NPAT: variants seen among roughly 807,000 people sequenced by gnomAD.
The protein encoded by NPAT is nuclear protein, coactivator of histone transcription, also known as protein NPAT.
A neutral mutation model predicts 130.7 loss-of-function variants in NPAT; 52 were observed. The observed-to-expected ratio is 0.40, with a 90% CI of 0.32 to 0.50. The LOEUF is 0.50. Ranked by LOEUF, NPAT falls within the 20% of genes least tolerant of loss-of-function variation. NPAT has a pLI of 0.68. For synonymous variants in NPAT, 580 were observed against 584.8 expected (o/e 0.99, Z 0.12); for missense variants, 1,687 against 1,662.6 (o/e 1.01, Z -0.26).
At chr11:108,214,626 T>C (rs1210431046) in intron 1 of NPAT, among the ~76,000 whole-genome samples, 2 of 151,808 alleles carry the variant, frequency 1.3e-5, no homozygotes, top group South Asian at 2.1e-4. Context: ...AAAAATATGA[T>C]TCCAATTTTT....
chr11:108,197,745 A>C (rs2078237599), intron 1 of NPAT, among the ~76,000 whole-genome samples: 1 of 152,254 alleles, frequency 6.6e-6, no homozygotes. Flanking sequence ...CATAACTTCC[A>C]TAAAGACCAA....
At chr11:108,160,782 A>C (rs1461038288) in intron 17 of NPAT, 98 bp downstream of exon 17, 1 of 1,054,684 alleles carries the variant, frequency 9.5e-7, no homozygotes, top group Non-Finnish European at 1.4e-6. Flanking sequence ...CTTAGCCATA[A>C]CGTTCAGTCA....
chr11:108,198,460 T>C (rs2078244875), intron 1 of NPAT, among the ~76,000 whole-genome samples: 1 of 151,586 alleles, frequency 6.6e-6, no homozygotes, highest in African/African-American at 2.4e-5. Context: ...ACATAGAAAA[T>C]ATGAATAAAG....
chr11:108,176,386 G>C lies in NPAT; in HGVS notation c.1004-12C>G. On this transcript the variant is annotated splice_polypyrimidine_tract_variant and intron_variant, in intron 11 of 17. Transcript: ENST00000278612. ...ATTCTTTGTTTTGCCTGTTAAAAAG[G>C]GAATATGGAAATAATTAAATGACCA... 6.6e-7 allele frequency: 1 copy of C among 1,504,486 alleles called. No individual in the cohort carries two copies. Among genetic ancestry groups the C allele is most frequent in the Non-Finnish European group, 9.2e-7 (1 of 1,082,736 alleles). 93.2% of individuals were successfully genotyped at this position (1,504,486 alleles called of 1,614,324 possible). A position where few individuals can be genotyped will look rare whatever the true frequency, so the allele number is the denominator to read the frequency against.
chr11:108,176,216 T>C (rs748334375), intron 12 of NPAT, 30 bp downstream of exon 12: 2 of 1,463,040 alleles, frequency 1.4e-6, no homozygotes, highest in Non-Finnish European at 9.6e-7. Flanking sequence ...AAGATTTGGA[T>C]TGATGATATT....
chr11:108,204,114 T>C (rs1351596371), intron 1 of NPAT, among the ~76,000 whole-genome samples: 9 of 152,174 alleles, frequency 5.9e-5, no homozygotes, highest in Non-Finnish European at 2.9e-5. Flanking sequence ...CTTATCCTAA[T>C]GGCAGTTAGA....
chr11:108,178,414 T>G (rs1043994543), intron 10 of NPAT, among the ~76,000 whole-genome samples: 1 of 151,984 alleles, frequency 6.6e-6, no homozygotes, highest in African/African-American at 2.4e-5. Flanking sequence ...TGCACCTTAT[T>G]ATTATTTTTG....
chr11:108,192,344 C>T (rs768400019), intron 3 of NPAT, among the ~76,000 whole-genome samples, 154 bp from the exon 4 acceptor site: 1 of 152,110 alleles, frequency 6.6e-6, no homozygotes, highest in Non-Finnish European at 1.5e-5. Context: ...GCTTGCAAAG[C>T]TATAATGCGG....
rs1366963816 is a variant in NPAT at position 108,161,258 on chromosome 11, C to A, written c.3828G>T (p.Gly1276=). The A allele has an allele frequency of 6.2e-7, 1 of 1,614,096 alleles. No individual in the cohort carries two copies. Residue 1276 remains glycine, a synonymous_variant, in exon 17 of 18, where the codon GGG becomes GGT. Coordinates refer to ENST00000278612, the MANE Select transcript of NPAT (RefSeq NM_002519.3). ...PVPRTPGSGA[G]EKHKEEPIDI... ...CTATAGGTTCTTCTTTATGTTTTTCCCCTGCCCCTGAGCCAGGTGTCCGGG... is the reference window on the plus strand; with the variant it reads ...CTATAGGTTCTTCTTTATGTTTTTCACCTGCCCCTGAGCCAGGTGTCCGGG...
intron 10 of NPAT, among the ~76,000 whole-genome samples, chr11:108,180,002 C>T (rs1180244699): frequency 6.6e-6 from 1 of 152,066 alleles, no homozygotes; most frequent in Non-Finnish European, 1.5e-5. Context: ...TTTGCAAATT[C>T]TATCTGATAA....
chr11:108,211,211 T>C (rs2078380624), intron 1 of NPAT, among the ~76,000 whole-genome samples: 1 of 147,730 alleles, frequency 6.8e-6, no homozygotes, highest in Admixed American at 6.8e-5. Context: ...TGAGACACCG[T>C]CTAAAAAAAA....
chr11:108,214,207 AAC>A (rs1228077387), intron 1 of NPAT, among the ~76,000 whole-genome samples: 2 of 152,132 alleles, frequency 1.3e-5, no homozygotes, highest in African/African-American at 2.4e-5. Flanking sequence ...CATTTTTCAT[AAC>A]AGTGTCCATT....
chr11:108,171,124 A>ATTTTTTTTTTTTTTTTTTTTTTTTTTT (rs63478164), intron 13 of NPAT: 2 of 95,834 alleles, frequency 2.1e-5, no homozygotes, highest in Non-Finnish European at 2.0e-5. Context: ...TGAAAAAAGG[A>ATTTTTTTTTTTTTTTTTTTTTTTTTTT]TTTTTTTTTT....
At chr11:108,172,057 G>A in intron 13 of NPAT, 142 bp downstream of exon 13, 1 of 727,842 alleles carries the variant, frequency 1.4e-6, no homozygotes. Context: ...CTAGCATAAA[G>A]AAGCAGCGTA....
intron 15 of NPAT, among the ~76,000 whole-genome samples, chr11:108,166,879 C>G (rs2134827300): frequency 6.6e-6 from 1 of 152,286 alleles, no homozygotes; most frequent in South Asian, 2.1e-4. Context: ...AATCTTTACA[C>G]TGTTAAATTT....
intron 1 of NPAT, among the ~76,000 whole-genome samples, chr11:108,199,963 ATAT>A (rs2078258972): frequency 6.6e-6 from 1 of 152,272 alleles, no homozygotes; most frequent in Admixed American, 6.5e-5. Flanking sequence ...CACAGTGATA[ATAT>A]TATTGAGTGG....
chr11:108,215,406 G>GA (rs1382332301), intron 1 of NPAT, among the ~76,000 whole-genome samples: 1 of 152,066 alleles, frequency 6.6e-6, no homozygotes, highest in African/African-American at 2.4e-5. Flanking sequence ...AGAGGATCAG[G>GA]AAAAATAACT....
intron 1 of NPAT, among the ~76,000 whole-genome samples, chr11:108,204,795 G>T (rs1003851286): frequency 2.0e-5 from 3 of 152,234 alleles, no homozygotes; most frequent in Non-Finnish European, 2.9e-5. Flanking sequence ...AGACAGAGTT[G>T]TAACAGTCCT....
chr11:108,195,801 T>C (rs112621621), intron 2 of NPAT, among the ~76,000 whole-genome samples: 9 of 152,248 alleles, frequency 5.9e-5, no homozygotes, highest in African/African-American at 1.2e-4. Flanking sequence ...TTTTTAAAAA[T>C]TGTTTTCTAG....
Sources: gnomAD v4.1 joint callset for allele counts (sites outside exome capture counted in the v4.1 genomes callset) on GRCh38, gnomAD v4.1.1 for gene constraint, MANE v1.5 for transcripts, NCBI Gene and HGNC (gene_info 2026-07-23, HGNC 2026-07-21) for gene names.